Variants in AKAP9 observed in about 807,000 individuals in gnomAD.
AKAP9 encodes the protein A-kinase anchor protein 9.
AKAP9 carries 311 observed loss-of-function variants against 488.5 expected under a neutral mutation model. The ratio of observed to expected loss-of-function variants is 0.64; its 90% confidence interval spans 0.58 to 0.70. AKAP9 has a LOEUF of 0.70. AKAP9 is among the 30% of genes least tolerant of loss of function. The pLI, the probability that AKAP9 is intolerant of heterozygous loss-of-function variation, is 0.00. For synonymous variants in AKAP9, 1,462 were observed against 1,483.5 expected, an observed-to-expected ratio of 0.99 and a Z score of 0.33; for missense variants, 4,215 against 4,374.5, an observed-to-expected ratio of 0.96 and a Z score of 1.03.
At position 91,948,668 on chromosome 7, in the gene AKAP9, A is replaced by G. The variant is rs567053187; in HGVS notation, c.48+7521A>G. 7.7e-5 allele frequency among the ~76,000 whole-genome samples: 11 copies of G among 143,708 alleles called. No individual in the cohort carries two copies. The South Asian group carries it at 8.7e-4, about 11-fold the overall frequency. The allele number at this position is 143,708 out of a possible 152,430, so 94.3% of individuals were successfully genotyped here. On this transcript the variant is annotated intron_variant, in intron 1 of 49. Coordinates refer to ENST00000356239, the MANE Select transcript of AKAP9 (RefSeq NM_005751.5). The stretch of plus-strand genomic sequence containing the variant: ...CTCTTGTCTCCCAGGCTTGAGTGCA[A>G]TGGCGCAACCTCAGCTCACTGCAAC...
In AKAP9 at chr7:92,086,340, G is replaced by A. The variant is rs142831346; in HGVS notation, c.9137G>A (p.Arg3046Gln). The A allele has an allele frequency of 2.0e-5, 33 of 1,613,790 alleles. No homozygotes were observed. The highest frequency in any genetic ancestry group is 4.5e-5 in the East Asian group (2 of 44,872). The change falls in exon 37 of 50, where the codon CGG becomes CAG. Residue 3046 changes from arginine (R) to glutamine (Q), a missense_variant. By Grantham distance (43) the Arg-to-Gln change is conservative. This residue lies in a region of AKAP9 where 1,476 missense variants were observed against 1,477.4 expected (regional missense o/e 1.00). Transcript: ENST00000356239. ...CGTAGTGTTTTACTAGCAGCATTTC[G>A]GACGGAGCTGACAGCTCTAGGTACT... ...EERSVLLAAF[R>Q]TELTALGTTD...
chr7:92,051,741 C>A (rs975592441), intron 21 of AKAP9, among the ~76,000 whole-genome samples: 2 of 152,120 alleles, frequency 1.3e-5, no homozygotes, highest in Admixed American at 6.6e-5. Context: ...ATGCTTATTC[C>A]AAGCACTTGG....
chr7:92,052,671 T>C, intron 21 of AKAP9, 55 bp from the exon 22 acceptor site: 1 of 1,270,522 alleles, frequency 7.9e-7, no homozygotes, highest in Non-Finnish European at 1.1e-6. Context: ...TTTATAACTT[T>C]AAAAAATTAT....
rs749572064 is a variant in AKAP9 at position 92,096,772 on chromosome 7, C to T, written c.9813C>T (p.Asn3271=). The change falls in exon 41 of 50, where the codon AAC becomes AAT. Residue 3271 remains asparagine, a synonymous_variant. Transcript: ENST00000356239. ...TGGAACAACAGAAACAACTACTGAA[C>T]GAATCCCAGCAAAAAATAGAATCAC... The part of the protein sequence containing the change: ...LLLEQQKQLL[N]ESQQKIESQR... 7 of 1,614,066 alleles carry T rather than the reference C, an allele frequency of 4.3e-6. No individual in the cohort carries two copies. Among genetic ancestry groups the T allele is most frequent in the African/African-American group, 4.0e-5 (3 of 74,922 alleles).
chr7:92,017,677 G>C (rs1431870677), intron 12 of AKAP9, among the ~76,000 whole-genome samples: 1 of 152,136 alleles, frequency 6.6e-6, no homozygotes, highest in Non-Finnish European at 1.5e-5. Flanking sequence ...GGTGCTTTTT[G>C]ATGTTCAGTT....
rs1375458775 is a variant in AKAP9, at chr7:92,040,817, T to C, written c.4836T>C (p.His1612=). The C allele has an allele frequency of 1.2e-6, 2 of 1,613,826 alleles. No individual in the cohort carries two copies. Among genetic ancestry groups the C allele is most frequent in the Non-Finnish European group, 1.7e-6 (2 of 1,179,998 alleles). ...CAACGGAATTGTTAAGGCAAGCACATATGCGGCAAATGGAGAGACAGCGAG... is the reference window on the plus strand; with the variant it reads ...CAACGGAATTGTTAAGGCAAGCACACATGCGGCAAATGGAGAGACAGCGAG... ...QQATELLRQA[H]MRQMERQRED... is the part of the protein sequence containing the mutation. Residue 1612 remains histidine, a synonymous_variant, in exon 18 of 50, where the codon CAT becomes CAC. Coordinates refer to ENST00000356239, the MANE Select transcript of AKAP9 (RefSeq NM_005751.5).
intron 47 of AKAP9, 91 bp from the exon 48 acceptor site, chr7:92,107,202 T>G (rs1818649273): frequency 1.9e-5 from 23 of 1,216,998 alleles, no homozygotes; most frequent in Non-Finnish European, 2.4e-5. Flanking sequence ...TATAGTATAA[T>G]AGTCTTTTGA....
rs1450438768 is a variant in AKAP9 at position 92,038,500 on chromosome 7, T to C, written c.4420T>C (p.Ser1474Pro). 3 of 1,613,846 alleles carry C rather than the reference T, an allele frequency of 1.9e-6. No homozygotes were observed. The Admixed American group carries it at 5.0e-5, about 27-fold the overall frequency. ...ISGGKENTAS[S>P]KQAHAVCQQE... ...TGGGGGAAAAGAAAATACTGCATCA[T>C]CAAAGCAAGCACATGCTGTGTGTCA... Residue 1474 changes from serine (S) to proline (P), a missense_variant, in exon 17 of 50, where the codon TCA (serine) becomes CCA (proline). Transcript: ENST00000356239.
At position 92,079,707 on chromosome 7, in the gene AKAP9, T is replaced by C; in HGVS notation, c.7574T>C (p.Met2525Thr). ...CAGTGTTATAAACAAATAAAAGACA[T>C]GCAAGAACAAGGCCAGTTTGAAACA... ...LTQCYKQIKD[M>T]QEQGQFETEM... The change falls in exon 31 of 50, where the codon ATG (methionine) becomes ACG (threonine). Residue 2525 changes from methionine (M) to threonine (T), a missense_variant. This residue lies in a region of AKAP9 where 1,476 missense variants were observed against 1,477.4 expected (regional missense o/e 1.00). Coordinates refer to ENST00000356239, the MANE Select transcript of AKAP9 (RefSeq NM_005751.5). The C allele has an allele frequency of 6.2e-7, 1 of 1,614,034 alleles. No homozygotes were observed. Among genetic ancestry groups the C allele is most frequent in the Non-Finnish European group, 8.5e-7 (1 of 1,179,990 alleles).
At chr7:91,946,100 G>T (rs1409574677) in intron 1 of AKAP9, among the ~76,000 whole-genome samples, 1 of 152,170 alleles carries the variant, frequency 6.6e-6, no homozygotes, top group African/African-American at 2.4e-5. Context: ...AAAGGATGGT[G>T]CTCCATGCAA....
At position 92,017,106 on chromosome 7, in the gene AKAP9, T is replaced by G; in HGVS notation, c.3837+4T>G. 6.5e-7 allele frequency: 1 copy of G among 1,547,684 alleles called. No individual in the cohort carries two copies. The highest frequency in any genetic ancestry group is 8.9e-7 in the Non-Finnish European group (1 of 1,127,218). ...ACTTCAAACACGACTAAGCAAGGTC[T>G]GTGAGATGGAAAATATATTGTAATA... On this transcript the variant is annotated splice_donor_region_variant and intron_variant, in intron 12 of 49. Coordinates refer to ENST00000356239, the MANE Select transcript of AKAP9 (RefSeq NM_005751.5).
chr7:92,042,827 G>GTAATAGACTTTGTCCTTATTTTTATCTT (rs1806338851), intron 20 of AKAP9, 56 bp downstream of exon 20: 7 of 1,181,572 alleles, frequency 5.9e-6, no homozygotes, highest in Non-Finnish European at 6.3e-6. Context: ...TTGTTTCAAT[G>GTAATAGACTTTGTCCTTATTTTTATCTT]TAATAGACTT....
rs768477512 is a variant in AKAP9, at chr7:91,973,834, G to C, written c.172G>C (p.Asp58His). The C allele has an allele frequency of 6.2e-7, 1 of 1,613,892 alleles. No homozygotes were observed. The highest frequency in any genetic ancestry group is 1.3e-5 in the African/African-American group (1 of 74,878). The change falls in exon 2 of 50, where the codon GAT becomes CAT. Residue 58 changes from aspartate (D) to histidine (H), a missense_variant. Asp to His is a moderately conservative substitution (Grantham distance 81, BLOSUM62 -1). Transcript: ENST00000356239. ...GTCAGCACACCATGATTTGAATATT[G>C]ATCAATCACAGTGTAATGAAATGTA... The part of the protein sequence containing the change: ...DVSAHHDLNI[D>H]QSQCNEMYIN...
At chr7:91,978,350 T>C (rs991781698) in intron 2 of AKAP9, among the ~76,000 whole-genome samples, 1 of 152,096 alleles carries the variant, frequency 6.6e-6, no homozygotes, top group African/African-American at 2.4e-5. Flanking sequence ...TACTACTTCA[T>C]GGAGAAGGTA....
intron 1 of AKAP9, among the ~76,000 whole-genome samples, chr7:91,951,781 A>G (rs1792286675): frequency 6.6e-6 from 1 of 152,180 alleles, no homozygotes; most frequent in African/African-American, 2.4e-5. Context: ...ACCACATCCT[A>G]CTTTTTAAAT....
chr7:92,081,463 C>A (rs1410307791), intron 31 of AKAP9, among the ~76,000 whole-genome samples: 1 of 142,482 alleles, frequency 7.0e-6, no homozygotes, highest in African/African-American at 2.6e-5. Context: ...CACCACCACA[C>A]CCGGCTAATT....
intron 1 of AKAP9, among the ~76,000 whole-genome samples, chr7:91,947,423 A>G (rs974455284): frequency 4.0e-5 from 6 of 151,096 alleles, no homozygotes; most frequent in Admixed American, 1.3e-4. Context: ...GCTCACTGCA[A>G]CCTCCACCTC....
intron 3 of AKAP9, among the ~76,000 whole-genome samples, chr7:91,981,012 T>A (rs1796347143): frequency 6.6e-6 from 1 of 152,222 alleles, no homozygotes. Context: ...TCCATGTTCT[T>A]AAATGAACGT....
At chr7:92,024,893 T>A (rs1047386237) in intron 14 of AKAP9, among the ~76,000 whole-genome samples, 1 of 152,242 alleles carries the variant, frequency 6.6e-6, no homozygotes, top group African/African-American at 2.4e-5. Flanking sequence ...TTTGGAATTA[T>A]TTGCTTTAGC....
Sources: gnomAD v4.1 joint callset for allele counts (sites outside exome capture counted in the v4.1 genomes callset) on GRCh38, gnomAD v4.1.1 for gene constraint, gnomAD v4.1.1 regional missense constraint, MANE v1.5 for transcripts, NCBI Gene and HGNC (gene_info 2026-07-23, HGNC 2026-07-21) for gene names.